The following CAST variants were observed in gnomAD, a reference collection of about 807,000 sequenced individuals.
The protein encoded by CAST is MIR583 host.
In CAST, 76 loss-of-function variants were observed where a neutral mutation model predicts 119.6. The ratio of observed to expected loss-of-function variants is 0.64; its 90% CI spans 0.53 to 0.77. The LOEUF (loss-of-function observed/expected upper bound fraction) is 0.77, where lower values mean the gene tolerates loss of function less well. CAST is among the 30% of genes least tolerant of loss of function. The pLI is 0.00. For synonymous variants in CAST, 319 were observed against 331.6 expected (o/e 0.96, Z 0.41); for missense variants, 953 against 946.5 (o/e 1.01, Z -0.09).
the CAST span, among the ~76,000 whole-genome samples, chr5:96,325,010 G>T: frequency 6.6e-6 from 1 of 152,094 alleles, no homozygotes; most frequent in African/African-American, 2.4e-5. Context: ...TTCAAGACTA[G>T]CCTTGCCAAC....
the CAST span, among the ~76,000 whole-genome samples, chr5:96,061,714 A>G: frequency 1.3e-5 from 2 of 151,952 alleles, no homozygotes; most frequent in South Asian, 4.2e-4. Context: ...AATACTTATG[A>G]AGTCATGGAC....
chr5:96,444,478 C>A, the CAST span, among the ~76,000 whole-genome samples: 1 of 152,170 alleles, frequency 6.6e-6, no homozygotes, highest in Non-Finnish European at 1.5e-5. Context: ...TAAATATCCT[C>A]TTTCCTTCAA....
At chr5:96,760,072 T>C (rs1419651564) in intron 24 of CAST, among the ~76,000 whole-genome samples, 1 of 152,044 alleles carries the variant, frequency 6.6e-6, no homozygotes, top group Non-Finnish European at 1.5e-5. Context: ...TGTTGAACAC[T>C]CAGTTCTTAT....
the CAST span, among the ~76,000 whole-genome samples, chr5:96,034,462 TACACAC>T: frequency 0.016 from 1,623 of 101,824 alleles, 26 homozygotes; most frequent in South Asian, 0.07. Context: ...GTATATATCA[TACACAC>T]ACACACACAC....
At chr5:96,526,002 C>A (rs34215404), upstream of CAST, among the ~76,000 whole-genome samples, 1 of 151,980 alleles carries the variant, frequency 6.6e-6, no homozygotes, top group Non-Finnish European at 1.5e-5. Flanking sequence ...AAAACTGTTC[C>A]GTCTGGTAAT....
At chr5:96,507,216 G>A in the CAST span, among the ~76,000 whole-genome samples, 1 of 152,026 alleles carries the variant, frequency 6.6e-6, no homozygotes, top group African/African-American at 2.4e-5. Flanking sequence ...ATTCACGTCG[G>A]GGAGAAGAGG....
chr5:96,223,285 A>G, the CAST span, among the ~76,000 whole-genome samples: 5 of 152,172 alleles, frequency 3.3e-5, no homozygotes, highest in Non-Finnish European at 7.4e-5. Context: ...AAATGTTACC[A>G]ACACAAATAA....
chr5:96,233,818 A>G, the CAST span, among the ~76,000 whole-genome samples: 1 of 152,182 alleles, frequency 6.6e-6, no homozygotes, highest in South Asian at 2.1e-4. Context: ...TTACATATAT[A>G]AAACAGAAAC....
chr5:96,032,788 C>G, the CAST span, among the ~76,000 whole-genome samples: 1 of 151,884 alleles, frequency 6.6e-6, no homozygotes, highest in Non-Finnish European at 1.5e-5. Context: ...TTTAAAATAG[C>G]CACTAGAAAT....
intron 1 of CAST, among the ~76,000 whole-genome samples, chr5:96,648,717 C>CTGTGT (rs1554072532): frequency 6.7e-6 from 1 of 148,810 alleles, no homozygotes; most frequent in Non-Finnish European, 1.5e-5. Flanking sequence ...TATATATATG[C>CTGTGT]GTGTGTGTGT....
chr5:96,258,508 A>C, the CAST span, among the ~76,000 whole-genome samples: 1 of 152,170 alleles, frequency 6.6e-6, no homozygotes, highest in African/African-American at 2.4e-5. Flanking sequence ...GGCATGTCAT[A>C]GTTTAGTTGG....
At chr5:96,446,868 A>G in the CAST span, among the ~76,000 whole-genome samples, 1 of 152,346 alleles carries the variant, frequency 6.6e-6, no homozygotes, top group South Asian at 2.1e-4. Flanking sequence ...TGAGCATGCC[A>G]CCTCAGTTTC....
At chr5:96,693,622 A>G (rs1752976588) in intron 2 of CAST, among the ~76,000 whole-genome samples, 1 of 152,240 alleles carries the variant, frequency 6.6e-6, no homozygotes, top group Non-Finnish European at 1.5e-5. Flanking sequence ...TGAGATAGGT[A>G]ATGAAGTTGA....
At chr5:96,545,159 T>C (rs756054101) in intron 1 of CAST, 6 of 152,224 alleles carry the variant, frequency 3.9e-5, no homozygotes, top group African/African-American at 7.2e-5. Flanking sequence ...TGATGTCCAA[T>C]GTCTAGAAAA....
Position 96,738,495 on chromosome 5 carries a change from A to G in CAST, c.798+548A>G, listed in dbSNP as rs559386831. ...GTTGTGCTAAGATTGACACTGGGAC[A>G]CGGTCCACTGGGTCACACACTTATT... is the stretch of plus-strand genomic sequence containing the variant. On this transcript the variant is annotated intron_variant, in intron 11 of 31. Transcript: ENST00000675179. Among the ~76,000 whole-genome samples the G allele has an allele frequency of 2.4e-4, 36 of 152,314 alleles. 1 individual carries two copies. In the South Asian group the frequency reaches 5.6e-3, roughly 24 times the overall value.
the CAST span, among the ~76,000 whole-genome samples, chr5:95,984,877 A>T: frequency 6.6e-6 from 1 of 152,170 alleles, no homozygotes; most frequent in South Asian, 2.1e-4. Context: ...TAATGTTTTT[A>T]TATTGATTAC....
chr5:96,026,515 C>T, the CAST span, among the ~76,000 whole-genome samples: 1 of 152,162 alleles, frequency 6.6e-6, no homozygotes, highest in African/African-American at 2.4e-5. Flanking sequence ...AACACTTAGG[C>T]CCCAGGGAAA....
chr5:96,131,869 C>T, the CAST span, among the ~76,000 whole-genome samples: 8 of 152,070 alleles, frequency 5.3e-5, no homozygotes, highest in South Asian at 2.1e-4. Context: ...ACAAGAAATT[C>T]GATTCAGGTG....
the CAST span, among the ~76,000 whole-genome samples, chr5:96,284,179 C>T: frequency 1.3e-5 from 2 of 152,130 alleles, no homozygotes; most frequent in Admixed American, 1.3e-4. Flanking sequence ...GCACAGTATC[C>T]TTACAAAAAT....
Sources: gnomAD v4.1 joint callset for allele counts (sites outside exome capture counted in the v4.1 genomes callset) on GRCh38, gnomAD v4.1.1 for gene constraint, MANE v1.5 for transcripts, NCBI Gene and HGNC (gene_info 2026-07-23, HGNC 2026-07-21) for gene names.